The following CAB39 variants were observed in gnomAD, a reference collection of about 807,000 sequenced individuals.
The protein encoded by CAB39 is calcium binding protein 39.
CAB39 carries 8 observed loss-of-function variants against 40.0 expected under a neutral mutation model. That is an observed-to-expected ratio of 0.20 (90% confidence interval 0.12 to 0.36). The LOEUF is 0.36. CAB39 is among the 10% of genes least tolerant of loss of function. The pLI is 1.00. For missense variants in CAB39, 270 were observed against 401.1 expected (o/e 0.67, Z 2.79); for synonymous variants, 156 against 141.6 (o/e 1.10, Z -0.72).
chr2:230,765,505 A>G (rs1277447057), intron 2 of CAB39, among the ~76,000 whole-genome samples: 3 of 152,150 alleles, frequency 2.0e-5, no homozygotes, highest in African/African-American at 7.2e-5. Flanking sequence ...TGTGTATGAG[A>G]GTGGCTGCAG....
chr2:230,780,476 C>A (rs1429132952), intron 2 of CAB39, among the ~76,000 whole-genome samples: 1 of 152,210 alleles, frequency 6.6e-6, no homozygotes, highest in Non-Finnish European at 1.5e-5. Context: ...GGAGTCGTAA[C>A]ATCTCCCTAG....
intron 1 of CAB39, among the ~76,000 whole-genome samples, chr2:230,756,272 A>G (rs575480298): frequency 9.8e-5 from 15 of 152,354 alleles, no homozygotes; most frequent in African/African-American, 3.1e-4. Flanking sequence ...ATAGTAATCT[A>G]TGTGATATAG....
At chr2:230,778,316 G>A (rs1256931318) in intron 2 of CAB39, among the ~76,000 whole-genome samples, 2 of 152,180 alleles carry the variant, frequency 1.3e-5, no homozygotes, top group Admixed American at 1.3e-4. Context: ...GATCTACTGA[G>A]TGCTTGAGTC....
At chr2:230,764,883 T>C (rs967372018) in intron 2 of CAB39, among the ~76,000 whole-genome samples, 3 of 152,260 alleles carry the variant, frequency 2.0e-5, no homozygotes, top group African/African-American at 7.2e-5. Flanking sequence ...TATATGTACA[T>C]GCCATTTGTT....
At chr2:230,784,020 C>G (rs1357902871) in intron 2 of CAB39, among the ~76,000 whole-genome samples, 1 of 152,170 alleles carries the variant, frequency 6.6e-6, no homozygotes, top group African/African-American at 2.4e-5. Context: ...AATGCATCCC[C>G]ATTAGGCCCC....
Position 230,754,744 on chromosome 2 carries a change from C to T in CAB39, c.-43-5215C>T, listed in dbSNP as rs572869966. 1.4e-3 allele frequency among the ~76,000 whole-genome samples: 216 copies of T among 152,286 alleles called. 1 individual carries two copies. Among genetic ancestry groups the T allele is most frequent in the African/African-American group, 5.0e-3 (209 of 41,548 alleles). On this transcript the variant is annotated intron_variant, in intron 1 of 8. Coordinates refer to ENST00000258418, the MANE Select transcript of CAB39 (RefSeq NM_016289.4). The stretch of plus-strand genomic sequence containing the variant: ...ATGTTGGCCAGGCTGGTCTCAAACT[C>T]CTGATCTCAGGTGATACACCTGCCT...
intron 1 of CAB39, among the ~76,000 whole-genome samples, chr2:230,718,631 A>G (rs1335161504): frequency 6.6e-6 from 1 of 152,180 alleles, no homozygotes; most frequent in East Asian, 1.9e-4. Context: ...GGACGATTAA[A>G]TGAGTTGCTA....
chr2:230,796,429 G>A (rs1159864726), intron 4 of CAB39, among the ~76,000 whole-genome samples: 1 of 151,950 alleles, frequency 6.6e-6, no homozygotes, highest in Non-Finnish European at 1.5e-5. Flanking sequence ...TGTTTGCCTT[G>A]TATTTACTGG....
chr2:230,740,977 T>C (rs773848979), intron 1 of CAB39, among the ~76,000 whole-genome samples: 41 of 152,314 alleles, frequency 2.7e-4, no homozygotes, highest in Non-Finnish European at 4.4e-4. Flanking sequence ...TTATGAAATA[T>C]ATGGAAAGGT....
chr2:230,800,525 T>C (rs1696071085), intron 5 of CAB39, among the ~76,000 whole-genome samples: 1 of 152,340 alleles, frequency 6.6e-6, no homozygotes, highest in East Asian at 1.9e-4. Flanking sequence ...CTAGGACTCA[T>C]GCTTATAATG....
chr2:230,748,831 A>AAAAATATATAT (rs1386799920), intron 1 of CAB39, among the ~76,000 whole-genome samples: 12 of 28,498 alleles, frequency 4.2e-4, no homozygotes, highest in Non-Finnish European at 3.2e-4. Context: ...AAAAAAAAAA[A>AAAAATATATAT]ATATATATAT....
intron 1 of CAB39, among the ~76,000 whole-genome samples, chr2:230,754,320 TTCTTCCTTCTTCTTCCTTCC>T (rs1396419429): frequency 0.035 from 5,211 of 150,038 alleles, 408 homozygotes; most frequent in African/African-American, 0.12. Context: ...TCCTTCTTCC[TTCTTCCTTCTTCTTCCTTCC>T]TCTTCTTCCT....
intron 2 of CAB39, among the ~76,000 whole-genome samples, chr2:230,768,763 A>C (rs181256175): frequency 2.0e-5 from 3 of 152,354 alleles, no homozygotes; most frequent in Admixed American, 1.3e-4. Context: ...CTGTATGTAA[A>C]AAAACAGACC....
In CAB39 at chr2:230,809,696, GT is replaced by G. The variant is rs1696271016; in HGVS notation, c.568-565del. ...AAAATCAGACTGGAGGTTCACAGTCGTTGTTAATTCTACGTTATCGTACCAA... is the reference window on the plus strand; with the variant it reads ...AAAATCAGACTGGAGGTTCACAGTCGTGTTAATTCTACGTTATCGTACCAA... On this transcript the variant is annotated intron_variant, in intron 5 of 8. Transcript: ENST00000258418. 2.6e-5 allele frequency among the ~76,000 whole-genome samples: 4 copies of G among 152,184 alleles called. No individual in the cohort carries two copies. The South Asian group carries it at 8.3e-4, about 32-fold the overall frequency.
intron 1 of CAB39, among the ~76,000 whole-genome samples, chr2:230,744,288 A>G (rs1694935182): frequency 6.6e-6 from 1 of 151,694 alleles, no homozygotes; most frequent in Non-Finnish European, 1.5e-5. Flanking sequence ...TTCCAGCCAT[A>G]TATACATATT....
chr2:230,738,798 G>A (rs1694829004), intron 1 of CAB39, among the ~76,000 whole-genome samples: 1 of 152,218 alleles, frequency 6.6e-6, no homozygotes, highest in Non-Finnish European at 1.5e-5. Context: ...CTTAGACCTT[G>A]AAGGAGAGTG....
intron 5 of CAB39, among the ~76,000 whole-genome samples, chr2:230,807,032 C>G (rs1696208122): frequency 1.3e-5 from 2 of 152,088 alleles, no homozygotes; most frequent in Non-Finnish European, 2.9e-5. Context: ...AGTCTTTCTT[C>G]CATTATATGA....
At chr2:230,807,871 A>G (rs908278770) in intron 5 of CAB39, among the ~76,000 whole-genome samples, 5 of 152,138 alleles carry the variant, frequency 3.3e-5, no homozygotes, top group African/African-American at 1.2e-4. Context: ...AGGTTATGAC[A>G]GAACAGTGAG....
intron 1 of CAB39, among the ~76,000 whole-genome samples, chr2:230,722,098 G>C (rs931009930): frequency 6.7e-6 from 1 of 148,684 alleles, no homozygotes; most frequent in African/African-American, 2.5e-5. Context: ...TTTTTGACCA[G>C]TGACCCAACA....
Sources: allele counts gnomAD v4.1 joint callset (sites outside exome capture counted in the v4.1 genomes callset), GRCh38; gene constraint gnomAD v4.1.1; transcripts MANE v1.5; gene names NCBI Gene and HGNC (gene_info 2026-07-23, HGNC 2026-07-21).